AK4: variants seen among roughly 807,000 people sequenced by gnomAD.
AK4 encodes the protein adenylate kinase 4.
A neutral mutation model predicts 24.6 loss-of-function variants in AK4; 13 were observed. The ratio of observed to expected loss-of-function variants is 0.53; its 90% CI spans 0.34 to 0.84. AK4 has a LOEUF of 0.84. AK4 is among the 40% of genes least tolerant of loss of function. The pLI, the probability that AK4 is intolerant of heterozygous loss-of-function variation, is 0.01. For missense variants in AK4, 192 were observed against 288.2 expected (o/e 0.67, Z 2.42); for synonymous variants, 88 against 107.0 (o/e 0.82, Z 1.10).
intron 1 of AK4, among the ~76,000 whole-genome samples, chr1:65,154,929 C>T (rs1044926545): frequency 3.3e-5 from 5 of 151,600 alleles, no homozygotes; most frequent in Non-Finnish European, 7.4e-5. Context: ...TGGCTCACTG[C>T]AACCTCTGCC....
At chr1:65,173,558 T>C (rs1401569971) in intron 1 of AK4, among the ~76,000 whole-genome samples, 1 of 152,094 alleles carries the variant, frequency 6.6e-6, no homozygotes, top group Admixed American at 6.5e-5. Flanking sequence ...CTTCATCCCA[T>C]GTTGGACCCG....
At chr1:65,178,030 CAG>C (rs1413753639) in intron 1 of AK4, among the ~76,000 whole-genome samples, 1 of 151,592 alleles carries the variant, frequency 6.6e-6, no homozygotes, top group Non-Finnish European at 1.5e-5. Context: ...CCGTGGCTGT[CAG>C]GGGTGAACGA....
intron 3 of AK4, among the ~76,000 whole-genome samples, chr1:65,220,157 A>G (rs929996269): frequency 6.6e-6 from 1 of 152,206 alleles, no homozygotes; most frequent in Non-Finnish European, 1.5e-5. Context: ...TCTTGGTTCC[A>G]TGTCTTGGCA....
Position 65,227,653 on chromosome 1 carries a change from A to AC in AK4, c.*1477dup, listed in dbSNP as rs1161787941. The AC allele has an allele frequency of 6.8e-6, 1 of 147,088 alleles. No individual in the cohort carries two copies. The highest frequency in any genetic ancestry group is 1.5e-5 in the Non-Finnish European group (1 of 66,886). The allele number at this position is 147,088 out of a possible 1,614,324, so 9.1% of individuals were successfully genotyped here. On this transcript the variant is annotated 3_prime_UTR_variant, in exon 5 of 5. Coordinates refer to ENST00000327299, the MANE Select transcript of AK4 (RefSeq NM_013410.4). ...GTGTCCTTTACTATTCTTGGGAGTG[A>AC]CTCCTGTCTAACTTTTCATACTGGC...
intron 1 of AK4, among the ~76,000 whole-genome samples, chr1:65,184,417 T>A (rs1270350663): frequency 6.6e-6 from 1 of 152,208 alleles, no homozygotes; most frequent in Non-Finnish European, 1.5e-5. Flanking sequence ...CATGATGGAT[T>A]TATTTGTTGG....
At chr1:65,150,262 G>C (rs1303316620) in intron 1 of AK4, among the ~76,000 whole-genome samples, 1 of 138,788 alleles carries the variant, frequency 7.2e-6, no homozygotes, top group Non-Finnish European at 1.5e-5. Flanking sequence ...CTTTTCCCTT[G>C]TTCTCTCTTT....
At chr1:65,220,398 G>A (rs1408614455) in intron 3 of AK4, among the ~76,000 whole-genome samples, 1 of 152,206 alleles carries the variant, frequency 6.6e-6, no homozygotes, top group Admixed American at 6.6e-5. Context: ...AGTGTAGTAA[G>A]TGTTTTAGAT....
chr1:65,206,864 A>G lies in AK4; in HGVS notation c.266-11890A>G, dbSNP rs534970568. 5.9e-5 allele frequency among the ~76,000 whole-genome samples: 9 copies of G among 152,344 alleles called. No individual in the cohort carries two copies. The South Asian group carries it at 1.7e-3, about 28-fold the overall frequency. On this transcript the variant is annotated intron_variant, in intron 2 of 4. Coordinates refer to ENST00000327299, the MANE Select transcript of AK4 (RefSeq NM_013410.4). ...TTTGTAGATGACAGCTCCTTCCTCA[A>G]TGGAATATGCATTTTCCCTTATGGG...
At chr1:65,217,462 ATAC>A (rs1652166395) in intron 2 of AK4, among the ~76,000 whole-genome samples, 1 of 152,210 alleles carries the variant, frequency 6.6e-6, no homozygotes, top group Admixed American at 6.5e-5. Context: ...ATCTTTTATT[ATAC>A]TTTCAGCTCT....
chr1:65,218,728 T>G (rs745894254), intron 2 of AK4, 26 bp from the exon 3 acceptor site: 2 of 1,551,178 alleles, frequency 1.3e-6, no homozygotes, highest in South Asian at 1.2e-5. Flanking sequence ...AGCTTGCATT[T>G]CACTTGTTTT....
At chr1:65,157,310 A>G (rs531096948) in intron 1 of AK4, among the ~76,000 whole-genome samples, 2 of 152,322 alleles carry the variant, frequency 1.3e-5, no homozygotes, top group South Asian at 4.1e-4. Flanking sequence ...ATTTATAGTC[A>G]TTCGATATAC....
intron 3 of AK4, among the ~76,000 whole-genome samples, chr1:65,223,541 T>C (rs533116567): frequency 2.0e-5 from 3 of 152,212 alleles, no homozygotes; most frequent in Admixed American, 6.5e-5. Context: ...CTTGCCTTTT[T>C]CCCCAAACTT....
At chr1:65,186,842 A>ACT (rs1186776432) in intron 1 of AK4, among the ~76,000 whole-genome samples, 3 of 152,166 alleles carry the variant, frequency 2.0e-5, no homozygotes, top group Non-Finnish European at 4.4e-5. Context: ...GAAAACATAC[A>ACT]CTCACACAAT....
intron 2 of AK4, among the ~76,000 whole-genome samples, chr1:65,214,516 T>G (rs1393593331): frequency 6.6e-6 from 1 of 152,112 alleles, no homozygotes; most frequent in Non-Finnish European, 1.5e-5. Flanking sequence ...CTAGGTAAAG[T>G]CCCGGGATTA....
rs771693162 is a variant in AK4, at chr1:65,224,853, A to G, written c.540A>G (p.Pro180=). Residue 180 remains proline (P), a synonymous_variant, in exon 4 of 5, where the codon CCA becomes CCG. Coordinates refer to ENST00000327299, the MANE Select transcript of AK4 (RefSeq NM_013410.4). ...RLRQYKDVAK[P]VIELYKSRGV... ...GACAGTACAAAGACGTGGCAAAGCC[A>G]GTCATTGAATTATACAAGTGAGTGT... The G allele has an allele frequency of 6.2e-7, 1 of 1,613,454 alleles. No individual in the cohort carries two copies. Among genetic ancestry groups the G allele is most frequent in the Non-Finnish European group, 8.5e-7 (1 of 1,179,376 alleles).
At chr1:65,170,458 G>A (rs759478456) in intron 1 of AK4, among the ~76,000 whole-genome samples, 1 of 152,350 alleles carries the variant, frequency 6.6e-6, no homozygotes, top group Non-Finnish European at 1.5e-5. Flanking sequence ...TGCTTTGAAT[G>A]TCATGTTTCA....
At position 65,232,041 on chromosome 1, in the gene AK4, T is replaced by G. The variant is rs1570159774; in HGVS notation, c.*5864T>G. On this transcript the variant is annotated 3_prime_UTR_variant, in exon 5 of 5. Transcript: ENST00000327299. ...CCTCCAGTCTGATCTGTATATGCTATCCTAACTGTTAATTGTATTATTGAT... is the reference window on the plus strand; with the variant it reads ...CCTCCAGTCTGATCTGTATATGCTAGCCTAACTGTTAATTGTATTATTGAT... The G allele has an allele frequency of 1.3e-5, 2 of 152,344 alleles. No individual in the cohort carries two copies. Among genetic ancestry groups the G allele is most frequent in the Admixed American group, 1.3e-4 (2 of 15,308 alleles). 9.4% of individuals were successfully genotyped at this position (152,344 alleles called of 1,614,324 possible).
intron 3 of AK4, among the ~76,000 whole-genome samples, chr1:65,221,431 CTT>C (rs1652290850): frequency 2.0e-5 from 3 of 152,162 alleles, no homozygotes; most frequent in Admixed American, 2.0e-4. Flanking sequence ...CTTTTGAAGT[CTT>C]CTTTTAAAAA....
intron 2 of AK4, among the ~76,000 whole-genome samples, chr1:65,193,908 G>A (rs11208606): frequency 0.31 from 46,595 of 152,062 alleles, 7,613 homozygotes; most frequent in East Asian, 0.52. Context: ...GGAGACCAGC[G>A]TGGGCAACAT....
Sources: allele counts gnomAD v4.1 joint callset (sites outside exome capture counted in the v4.1 genomes callset), GRCh38; gene constraint gnomAD v4.1.1; transcripts MANE v1.5; gene names NCBI Gene and HGNC (gene_info 2026-07-23, HGNC 2026-07-21).